PARP14: variants seen among roughly 807,000 people sequenced by gnomAD.
PARP14 encodes poly(ADP-ribose) polymerase family member 14.
Under a neutral mutation model 154.2 loss-of-function variants are expected in PARP14, and 59 were observed. The observed-to-expected ratio is 0.38, with a 90% CI of 0.31 to 0.48. The LOEUF is 0.48. Among genes scored for constraint, PARP14 ranks in the 20% least tolerant of loss-of-function variants. PARP14 has a pLI of 0.98. For missense variants in PARP14, 1,734 were observed against 2,131.6 expected, an observed-to-expected ratio of 0.81 and a Z score of 3.67; for synonymous variants, 720 against 780.5, an observed-to-expected ratio of 0.92 and a Z score of 1.29.
In PARP14 at chr3:122,699,866, A is replaced by G; in HGVS notation, c.1312A>G (p.Lys438Glu). The G allele has an allele frequency of 6.2e-7, 1 of 1,613,974 alleles. No individual in the cohort carries two copies. The part of the protein sequence containing the change: ...TLKEMVILAG[K>E]SEDVQSIEVQ... Reference sequence around the variant, plus strand: ...TAAGGAGATGGTAATCTTAGCAGGGAAATCAGAGGATGTCCAAAGCATTGA... The same window carrying G: ...TAAGGAGATGGTAATCTTAGCAGGGGAATCAGAGGATGTCCAAAGCATTGA... Residue 438 changes from lysine (K) to glutamate (E), a missense_variant, in exon 6 of 17, where the codon AAA (lysine) becomes GAA (glutamate). Around this residue, in one of 2 missense-constraint regions of PARP14, gnomAD observed 1,646 missense variants for 1,976.0 expected, o/e 0.83. Coordinates refer to ENST00000474629, the MANE Select transcript of PARP14 (RefSeq NM_017554.3).
rs1317364473 is a variant in PARP14 at position 122,730,266 on chromosome 3, G to A, written c.*1669G>A. 1 of 152,156 alleles carries A rather than the reference G, an allele frequency of 6.6e-6. No homozygotes were observed. 9.4% of individuals were successfully genotyped at this position (152,156 alleles called of 1,614,324 possible). A position where few individuals can be genotyped will look rare whatever the true frequency, so the allele number is the denominator to read the frequency against. Reference sequence around the variant, plus strand: ...CCTCTAGATTAATGCCACCGATTCAGGAACACCTCCGACAGTCTTGAAATA... The same window carrying A: ...CCTCTAGATTAATGCCACCGATTCAAGAACACCTCCGACAGTCTTGAAATA... On this transcript the variant is annotated 3_prime_UTR_variant, in exon 17 of 17. Transcript: ENST00000474629.
At chr3:122,689,157 T>C (rs1938465084) in intron 3 of PARP14, among the ~76,000 whole-genome samples, 1 of 152,180 alleles carries the variant, frequency 6.6e-6, no homozygotes, top group South Asian at 2.1e-4. Context: ...GGGAAGTATA[T>C]TAGAGCCAAC....
At chr3:122,683,708 T>C (rs916419811) in intron 1 of PARP14, among the ~76,000 whole-genome samples, 7 of 152,182 alleles carry the variant, frequency 4.6e-5, no homozygotes, top group African/African-American at 7.2e-5. Context: ...ACTTTCTCCT[T>C]TTTGGAGATC....
chr3:122,700,982 G>T lies in PARP14; in HGVS notation c.2428G>T (p.Asp810Tyr), dbSNP rs1301278681. The change falls in exon 6 of 17, where the codon GAC becomes TAC. Residue 810 changes from aspartate (D) to tyrosine (Y), a missense_variant. Coordinates refer to ENST00000474629, the MANE Select transcript of PARP14 (RefSeq NM_017554.3). ...PGVVLIVQQG[D>Y]LARLPVDVVV... ...CGTTGTGCTGATTGTGCAGCAGGGT[G>T]ACTTGGCACGGCTTCCTGTCGATGT... The T allele has an allele frequency of 6.2e-7, 1 of 1,613,910 alleles. No individual in the cohort carries two copies. Among genetic ancestry groups the T allele is most frequent in the Non-Finnish European group, 8.5e-7 (1 of 1,179,900 alleles).
chr3:122,694,333 T>G (rs1381949668), intron 4 of PARP14, among the ~76,000 whole-genome samples: 1 of 152,176 alleles, frequency 6.6e-6, no homozygotes, highest in Non-Finnish European at 1.5e-5. Context: ...AAAACCCAGA[T>G]CAGAGCCACT....
chr3:122,714,502 ATGCGGTCAG>A, intron 12 of PARP14, 73 bp downstream of exon 12: 1 of 1,245,068 alleles, frequency 8.0e-7, no homozygotes, highest in South Asian at 1.6e-5. Context: ...CTGAGTGTGA[ATGCGGTCAG>A]TGCTGAGTCT....
intron 15 of PARP14, among the ~76,000 whole-genome samples, chr3:122,724,412 A>C: frequency 6.9e-6 from 1 of 145,548 alleles, no homozygotes; most frequent in Admixed American, 6.9e-5. Context: ...AATCCTCCCC[A>C]CTCAGACTCT....
intron 1 of PARP14, among the ~76,000 whole-genome samples, chr3:122,683,644 C>T (rs1448760212): frequency 1.3e-5 from 2 of 152,104 alleles, no homozygotes; most frequent in Non-Finnish European, 2.9e-5. Flanking sequence ...GAAGACTGTC[C>T]ACTTGGGTAA....
intron 5 of PARP14, among the ~76,000 whole-genome samples, chr3:122,699,188 G>GT (rs987139805): frequency 3.3e-5 from 5 of 151,708 alleles, no homozygotes; most frequent in African/African-American, 7.3e-5. Context: ...ACCAACATTA[G>GT]TTTTTTTTAC....
chr3:122,718,304 A>C (rs767412501), intron 13 of PARP14, 27 bp downstream of exon 13: 9 of 1,611,758 alleles, frequency 5.6e-6, no homozygotes, highest in East Asian at 2.2e-5. Context: ...TATGAAATGC[A>C]TGTTCATAAC....
Position 122,725,344 on chromosome 3 carries a change from G to A in PARP14, c.4942-2468G>A, listed in dbSNP as rs995695103. ...TCAGTTCCCAGATGGGGTGGCGGCC[G>A]GGCAGAGGTGCTCCCCACCTCCCAG... is the stretch of plus-strand genomic sequence containing the variant. On this transcript the variant is annotated intron_variant, in intron 15 of 16. Transcript: ENST00000474629. Among the ~76,000 whole-genome samples the A allele has an allele frequency of 6.6e-5, 10 of 151,714 alleles. No individual in the cohort carries two copies. In the East Asian group the frequency reaches 7.8e-4, roughly 12 times the overall value.
At position 122,704,758 on chromosome 3, in the gene PARP14, C is replaced by T. The variant is rs921370861; in HGVS notation, c.3540+10C>T. On this transcript the variant is annotated intron_variant, in intron 8 of 16. Transcript: ENST00000474629. ...TCATGAAAATATTCAGGTACAGTGC[C>T]ACTAATTTCTGATTATTTTGGCAAC... 2 of 1,506,320 alleles carry T rather than the reference C, an allele frequency of 1.3e-6. No individual in the cohort carries two copies. Among genetic ancestry groups the T allele is most frequent in the African/African-American group, 2.8e-5 (2 of 72,342 alleles). The allele number at this position is 1,506,320 out of a possible 1,614,324, so 93.3% of individuals were successfully genotyped here. A position where few individuals can be genotyped will look rare whatever the true frequency, so the allele number is the denominator to read the frequency against.
intron 5 of PARP14, among the ~76,000 whole-genome samples, chr3:122,697,028 T>G (rs1412454136): frequency 6.6e-6 from 1 of 152,184 alleles, no homozygotes; most frequent in Non-Finnish European, 1.5e-5. Flanking sequence ...CATGGCTCAC[T>G]GCAGCATCAG....
At chr3:122,682,522 CA>C (rs1938241673) in intron 1 of PARP14, among the ~76,000 whole-genome samples, 1 of 152,082 alleles carries the variant, frequency 6.6e-6, no homozygotes, top group Non-Finnish European at 1.5e-5. Context: ...CCCAAATGAA[CA>C]AAAAGAAATA....
At chr3:122,685,509 A>C (rs1193577875) in intron 2 of PARP14, among the ~76,000 whole-genome samples, 191 bp downstream of exon 2, 1 of 141,464 alleles carries the variant, frequency 7.1e-6, no homozygotes, top group Admixed American at 7.0e-5. Context: ...AGGAGGGGGT[A>C]CTTTTTTTTT....
chr3:122,718,077 C>T lies in PARP14; in HGVS notation c.4007C>T (p.Ala1336Val). Residue 1336 changes from alanine (A) to valine (V), a missense_variant, in exon 13 of 17, where the codon GCC (alanine) becomes GTC (valine). By Grantham distance (64) the Ala-to-Val change is moderately conservative (BLOSUM62 0). Around this residue, in one of 2 missense-constraint regions of PARP14, gnomAD observed 1,646 missense variants for 1,976.0 expected, o/e 0.83. Coordinates refer to ENST00000474629, the MANE Select transcript of PARP14 (RefSeq NM_017554.3). ...ICLPAIGTGN[A>V]KQHPDKVAEA... is the part of the protein sequence containing the mutation. ...TTATTATTTGCTTTTCCAGGAAATG[C>T]CAAACAACACCCAGATAAGGTTGCT... 1 of 1,613,242 alleles carries T rather than the reference C, an allele frequency of 6.2e-7. No individual in the cohort carries two copies. Among genetic ancestry groups the T allele is most frequent in the Non-Finnish European group, 8.5e-7 (1 of 1,179,410 alleles).
At chr3:122,705,871 C>A (rs139326828) in intron 8 of PARP14, among the ~76,000 whole-genome samples, 2 of 152,156 alleles carry the variant, frequency 1.3e-5, no homozygotes, top group African/African-American at 4.8e-5. Context: ...TTACTTGTCC[C>A]GTATAATTAG....
At position 122,703,874 on chromosome 3, in the gene PARP14, A is replaced by G; in HGVS notation, c.3214A>G (p.Ser1072Gly). The G allele has an allele frequency of 6.2e-7, 1 of 1,614,022 alleles. No homozygotes were observed. The highest frequency in any genetic ancestry group is 8.5e-7 in the Non-Finnish European group (1 of 1,179,894). Residue 1072 changes from serine (S) to glycine (G), a missense_variant, in exon 7 of 17, where the codon AGC becomes GGC. Physicochemically the swap from Ser to Gly is moderately conservative, Grantham distance 56. This residue lies in a region of PARP14 where 1,646 missense variants were observed against 1,976.0 expected (regional missense o/e 0.83). Transcript: ENST00000474629. ...CACAGTTGGACAAGGGGTGGCTGTC[A>G]GCATGGGCACAGTGCTCAAAACCAG... ...LDTVGQGVAV[S>G]MGTVLKTSSW...
rs1359166744 is a variant in PARP14 at position 122,727,858 on chromosome 3, A to G, written c.4988A>G (p.Lys1663Arg). Residue 1663 changes from lysine to arginine, a missense_variant, in exon 16 of 17, where the codon AAG becomes AGG. Around this residue, in one of 2 missense-constraint regions of PARP14, gnomAD observed 1,646 missense variants for 1,976.0 expected, o/e 0.83. Coordinates refer to ENST00000474629, the MANE Select transcript of PARP14 (RefSeq NM_017554.3). The part of the protein sequence containing the change: ...NPDLWNSYQA[K>R]KKTMDAKNGQ... ...GATCTCTGGAATAGCTACCAGGCAAAGAAAAAAACTATGGATGCCAAGAAT... is the reference window on the plus strand; with the variant it reads ...GATCTCTGGAATAGCTACCAGGCAAGGAAAAAAACTATGGATGCCAAGAAT... 1.2e-6 allele frequency: 2 copies of G among 1,613,148 alleles called. No individual in the cohort carries two copies. The highest frequency in any genetic ancestry group is 8.5e-7 in the Non-Finnish European group (1 of 1,179,360).
Sources: allele counts gnomAD v4.1 joint callset (sites outside exome capture counted in the v4.1 genomes callset), GRCh38; gene constraint gnomAD v4.1.1; regional missense constraint gnomAD v4.1.1; transcripts MANE v1.5; gene names NCBI Gene and HGNC (gene_info 2026-07-23, HGNC 2026-07-21).